SMAD9: variants seen among roughly 807,000 people sequenced by gnomAD.
SMAD9 encodes MAD homolog 9.
In SMAD9, 36 loss-of-function variants were observed where a neutral mutation model predicts 46.1. That is an observed-to-expected ratio of 0.78 (90% CI 0.60 to 1.03). SMAD9 has a LOEUF of 1.03. Ranked by LOEUF, SMAD9 falls within the 50% of genes least tolerant of loss-of-function variation. The probability of loss-of-function intolerance (pLI) is 0.00; values close to 1 mark genes in which losing one functional copy is unlikely to be tolerated. For synonymous variants in SMAD9, 245 were observed against 237.1 expected (o/e 1.03, Z -0.31); for missense variants, 572 against 599.8 (o/e 0.95, Z 0.48).
At chr13:36,868,830 G>A (rs535894687) in intron 3 of SMAD9, among the ~76,000 whole-genome samples, 24 of 152,178 alleles carry the variant, frequency 1.6e-4, no homozygotes, top group Non-Finnish European at 2.9e-4. Context: ...ATTGAAAGCA[G>A]GGTGTTATTT....
chr13:36,874,854 C>CAAAAAA (rs529721275), intron 2 of SMAD9, among the ~76,000 whole-genome samples: 8 of 66,072 alleles, frequency 1.2e-4, no homozygotes, highest in Admixed American at 2.5e-4. Context: ...GACTCCGTCC[C>CAAAAAA]AAAAAAAAAA....
chr13:36,851,983 T>C lies in SMAD9; in HGVS notation c.1260+1436A>G, dbSNP rs1333092200. 11 of 974,044 alleles carry C rather than the reference T, an allele frequency of 1.1e-5. No individual in the cohort carries two copies. The South Asian group carries it at 3.8e-4, about 34-fold the overall frequency. The allele number at this position is 974,044 out of a possible 1,614,324, so 60.3% of individuals were successfully genotyped here. A position where few individuals can be genotyped will look rare whatever the true frequency, so the allele number is the denominator to read the frequency against. On this transcript the variant is annotated intron_variant, in intron 6 of 6. Transcript: ENST00000379826. The stretch of plus-strand genomic sequence containing the variant: ...ACACAGACCCGGAAAAAAAAAAAAC[T>C]GTATGATTCAAATGATGCCCTCTGC...
intron 4 of SMAD9, among the ~76,000 whole-genome samples, 179 bp downstream of exon 4, chr13:36,867,094 T>G (rs372203524): frequency 2.4e-4 from 36 of 152,242 alleles, no homozygotes; most frequent in Non-Finnish European, 5.3e-4. Context: ...AAAACATTAA[T>G]TCTATTGTAC....
At chr13:36,859,520 T>G (rs1300463834) in intron 5 of SMAD9, among the ~76,000 whole-genome samples, 1 of 152,044 alleles carries the variant, frequency 6.6e-6, no homozygotes, top group African/African-American at 2.4e-5. Flanking sequence ...GCGATGAGAG[T>G]AACCTCTGGT....
At chr13:36,906,134 A>C (rs560342189) in intron 1 of SMAD9, among the ~76,000 whole-genome samples, 1 of 152,278 alleles carries the variant, frequency 6.6e-6, no homozygotes, top group South Asian at 2.1e-4. Flanking sequence ...ATGGCCCTTC[A>C]AATTTCATTT....
intron 3 of SMAD9, among the ~76,000 whole-genome samples, chr13:36,869,603 C>A (rs1007527758): frequency 1.3e-5 from 2 of 149,768 alleles, no homozygotes; most frequent in Non-Finnish European, 3.0e-5. Context: ...GAGGCCGAGG[C>A]GGGTGGATCA....
chr13:36,887,979 A>T (rs1186963194), intron 1 of SMAD9, among the ~76,000 whole-genome samples: 2 of 152,134 alleles, frequency 1.3e-5, no homozygotes, highest in Non-Finnish European at 2.9e-5. Flanking sequence ...TCTGCATAGA[A>T]AACAAAAGGC....
At position 36,865,602 on chromosome 13, in the gene SMAD9, A is replaced by C; in HGVS notation, c.938T>G (p.Leu313Arg). ...TCTGTTTACATTAGAAAGAAGTCCA[A>C]GACAGAATCTGTTCCTGTTATTTGA... ...DPSNNRNRFC[L>R]GLLSNVNRNS... The change falls in exon 5 of 7, where the codon CTT becomes CGT. Residue 313 changes from leucine to arginine, a missense_variant. By Grantham distance (102) the Leu-to-Arg change is moderately radical. Coordinates refer to ENST00000379826, the MANE Select transcript of SMAD9 (RefSeq NM_001127217.3). 5 of 1,614,156 alleles carry C rather than the reference A, an allele frequency of 3.1e-6. No homozygotes were observed. The highest frequency in any genetic ancestry group is 4.2e-6 in the Non-Finnish European group (5 of 1,179,990).
chr13:36,903,126 G>GT (rs375828906), intron 1 of SMAD9, among the ~76,000 whole-genome samples: 13,008 of 127,576 alleles, frequency 0.1, 852 homozygotes, highest in East Asian at 0.3. Context: ...TTTTCTTTTG[G>GT]TTTTTTTTTT....
chr13:36,883,306 T>C (rs1668970309), intron 1 of SMAD9, among the ~76,000 whole-genome samples: 1 of 152,166 alleles, frequency 6.6e-6, no homozygotes, highest in African/African-American at 2.4e-5. Flanking sequence ...GGGCGATTAA[T>C]ATTTCTCTCA....
At chr13:36,861,594 G>T (rs966212511) in intron 5 of SMAD9, among the ~76,000 whole-genome samples, 1 of 151,446 alleles carries the variant, frequency 6.6e-6, no homozygotes, top group Non-Finnish European at 1.5e-5. Flanking sequence ...GGGATTACAG[G>T]CATGAGCCAC....
chr13:36,916,403 CAGG>C (rs1176408066), intron 1 of SMAD9, among the ~76,000 whole-genome samples: 1 of 152,160 alleles, frequency 6.6e-6, no homozygotes, highest in African/African-American at 2.4e-5. Flanking sequence ...CCACAATGTT[CAGG>C]AGAAGGAGGC....
chr13:36,915,094 T>G (rs1220487538), intron 1 of SMAD9, among the ~76,000 whole-genome samples: 1 of 152,240 alleles, frequency 6.6e-6, no homozygotes, highest in East Asian at 1.9e-4. Context: ...TGGCCCAGTG[T>G]ATCTAGGGAT....
intron 1 of SMAD9, among the ~76,000 whole-genome samples, chr13:36,894,527 A>T (rs1387940255): frequency 3.3e-5 from 5 of 152,178 alleles, no homozygotes; most frequent in Non-Finnish European, 7.4e-5. Flanking sequence ...CAACTCATAA[A>T]GTTACAAAAC....
intron 1 of SMAD9, among the ~76,000 whole-genome samples, chr13:36,899,517 A>T (rs1224643092): frequency 1.3e-5 from 2 of 152,244 alleles, no homozygotes; most frequent in Admixed American, 1.3e-4. Context: ...TGGGCACCTG[A>T]GCATGCCATT....
At chr13:36,889,510 A>C (rs1293854508) in intron 1 of SMAD9, among the ~76,000 whole-genome samples, 1 of 152,224 alleles carries the variant, frequency 6.6e-6, no homozygotes, top group African/African-American at 2.4e-5. Flanking sequence ...CATAGAACAA[A>C]GCAGCCCATG....
intron 5 of SMAD9, among the ~76,000 whole-genome samples, chr13:36,863,504 T>C (rs975149022): frequency 6.6e-6 from 1 of 152,298 alleles, no homozygotes; most frequent in Admixed American, 6.5e-5. Context: ...ACACAGGAGC[T>C]ACTGATATAA....
intron 1 of SMAD9, among the ~76,000 whole-genome samples, chr13:36,894,057 A>T (rs981527100): frequency 2.0e-5 from 3 of 152,204 alleles, no homozygotes; most frequent in Admixed American, 6.5e-5. Context: ...CAAAAGTTCA[A>T]AGATTAAGAA....
chr13:36,871,550 C>A (rs755759795), intron 3 of SMAD9, among the ~76,000 whole-genome samples: 1 of 151,924 alleles, frequency 6.6e-6, no homozygotes, highest in Non-Finnish European at 1.5e-5. Flanking sequence ...AATAAATAAA[C>A]GCCTGTGTAG....
Sources: gnomAD v4.1 joint callset for allele counts (sites outside exome capture counted in the v4.1 genomes callset) on GRCh38, gnomAD v4.1.1 for gene constraint, MANE v1.5 for transcripts, NCBI Gene and HGNC (gene_info 2026-07-23, HGNC 2026-07-21) for gene names.